The following TNS3 variants were observed in gnomAD, a reference collection of about 807,000 sequenced individuals.
TNS3 encodes tensin-3.
TNS3 carries 45 observed loss-of-function variants against 140.9 expected under a neutral mutation model. The observed-to-expected ratio is 0.32, with a 90% CI of 0.25 to 0.41. The LOEUF (loss-of-function observed/expected upper bound fraction) is 0.41. TNS3 is among the 10% of genes least tolerant of loss of function. The pLI, the probability that TNS3 is intolerant of heterozygous loss-of-function variation, is 1.00. For synonymous variants in TNS3, 815 were observed against 788.4 expected, an observed-to-expected ratio of 1.03 and a Z score of -0.56; for missense variants, 1,716 against 1,906.7, an observed-to-expected ratio of 0.90 and a Z score of 1.86.
chr7:47,520,146 T>C (rs1798920773), intron 2 of TNS3, among the ~76,000 whole-genome samples: 1 of 152,066 alleles, frequency 6.6e-6, no homozygotes, highest in Non-Finnish European at 1.5e-5. Flanking sequence ...TTCTTAACAC[T>C]TCAGGCCTGC....
Position 47,518,490 on chromosome 7 carries a change from C to T in TNS3, c.-153+10546G>A, listed in dbSNP as rs188741833. 5.9e-5 allele frequency among the ~76,000 whole-genome samples: 9 copies of T among 152,286 alleles called. No individual in the cohort carries two copies. In the East Asian group the frequency reaches 1.7e-3, roughly 29 times the overall value. Reference sequence around the variant, plus strand: ...TTTCATCCCCAGATATTCAGTTTTACTCTTTCTCTCTTTCTTTCCACGTAA... The same window carrying T: ...TTTCATCCCCAGATATTCAGTTTTATTCTTTCTCTCTTTCTTTCCACGTAA... On this transcript the variant is annotated intron_variant, in intron 2 of 30. Coordinates refer to ENST00000311160, the MANE Select transcript of TNS3 (RefSeq NM_022748.12).
At chr7:47,550,337 C>T (rs1340736253) in intron 1 of TNS3, among the ~76,000 whole-genome samples, 1 of 152,204 alleles carries the variant, frequency 6.6e-6, no homozygotes, top group Non-Finnish European at 1.5e-5. Context: ...ATGGAGAGGG[C>T]TTGGTGAACT....
chr7:47,389,110 A>G (rs59646813), intron 16 of TNS3, among the ~76,000 whole-genome samples: 2,817 of 5,622 alleles, frequency 0.5, 778 homozygotes, highest in South Asian at 0.67. Context: ...AAGCGGAAGC[A>G]GAAGAAGAAG....
At chr7:47,383,878 G>C (rs1410832618) in intron 16 of TNS3, among the ~76,000 whole-genome samples, 1 of 152,218 alleles carries the variant, frequency 6.6e-6, no homozygotes, top group Admixed American at 6.5e-5. Context: ...CACCTAGACA[G>C]ATCAGGGTGT....
rs905403264 is a variant in TNS3, at chr7:47,424,265, G to T, written c.390-81C>A. The stretch of plus-strand genomic sequence containing the variant: ...GTACTTGACGGGGGATGTGTCTCAT[G>T]GCTGTTCAAAGCGACCAGCTCCCAC... On this transcript the variant is annotated intron_variant, in intron 9 of 30. Transcript: ENST00000311160. The T allele has an allele frequency of 2.7e-5, 39 of 1,451,056 alleles. No homozygotes were observed. The African/African-American group carries it at 5.0e-4, about 19-fold the overall frequency. 89.9% of individuals were successfully genotyped at this position (1,451,056 alleles called of 1,614,324 possible). A position where few individuals can be genotyped will look rare whatever the true frequency, so the allele number is the denominator to read the frequency against.
At chr7:47,528,797 T>G (rs775958582) in intron 2 of TNS3, among the ~76,000 whole-genome samples, 4 of 152,230 alleles carry the variant, frequency 2.6e-5, no homozygotes, top group Non-Finnish European at 5.9e-5. Context: ...TACAAATTGC[T>G]GCCTCCTCTC....
chr7:47,340,109 ATATATATTTTTT>A (rs1410406398), intron 20 of TNS3, among the ~76,000 whole-genome samples: 11 of 38,662 alleles, frequency 2.8e-4, no homozygotes, highest in African/African-American at 1.0e-3. Flanking sequence ...ATATATATAT[ATATATATTTTTT>A]TTTTTTTTTT....
intron 20 of TNS3, among the ~76,000 whole-genome samples, chr7:47,308,622 A>C (rs1786895646): frequency 6.6e-6 from 1 of 152,190 alleles, no homozygotes; most frequent in Admixed American, 6.5e-5. Context: ...GTTGCTTAGA[A>C]ACATTTTTAT....
At chr7:47,391,078 G>A (rs891071774) in intron 16 of TNS3, among the ~76,000 whole-genome samples, 4 of 152,132 alleles carry the variant, frequency 2.6e-5, no homozygotes, top group African/African-American at 9.7e-5. Context: ...ACTTCCTCCT[G>A]CACACACCAG....
intron 4 of TNS3, among the ~76,000 whole-genome samples, chr7:47,458,772 G>C (rs933918500): frequency 6.6e-6 from 1 of 152,232 alleles, no homozygotes; most frequent in Non-Finnish European, 1.5e-5. Context: ...TGTGGCTGAA[G>C]AGCAGGGCCT....
At chr7:47,351,408 C>A (rs547796735) in intron 17 of TNS3, among the ~76,000 whole-genome samples, 1 of 152,200 alleles carries the variant, frequency 6.6e-6, no homozygotes, top group Admixed American at 6.5e-5. Context: ...AGGCGTCCTG[C>A]AGCAGGGGTC....
At chr7:47,463,173 AGT>A (rs1796560229) in intron 4 of TNS3, among the ~76,000 whole-genome samples, 1 of 152,180 alleles carries the variant, frequency 6.6e-6, no homozygotes, top group Non-Finnish European at 1.5e-5. Flanking sequence ...GGCCGGGTGC[AGT>A]GGCTCACACC....
At position 47,384,008 on chromosome 7, in the gene TNS3, T is replaced by C. The variant is rs1053632330; in HGVS notation, c.1024+12792A>G. On this transcript the variant is annotated intron_variant, in intron 16 of 30. Coordinates refer to ENST00000311160, the MANE Select transcript of TNS3 (RefSeq NM_022748.12). ...GTGACATCTAAATTCAGATAGCTTC[T>C]GGTAGAAAGTTCTGATTTGAAAACA... Among the ~76,000 whole-genome samples, 7 of 152,232 alleles carry C rather than the reference T, an allele frequency of 4.6e-5. No homozygotes were observed. In the South Asian group the frequency reaches 1.4e-3, roughly 31 times the overall value.
rs942827217 is a variant in TNS3 at position 47,400,906 on chromosome 7, G to A, written c.732C>T (p.Cys244=). Residue 244 remains cysteine (C), a synonymous_variant, in exon 14 of 31, where the codon TGC becomes TGT. Coordinates refer to ENST00000311160, the MANE Select transcript of TNS3 (RefSeq NM_022748.12). ...TGGCCGAGCGGTATTTCTTGTGGTAGCATTTCACCTGGGTTAGAGAGACAA... is the reference window on the plus strand; with the variant it reads ...TGGCCGAGCGGTATTTCTTGTGGTAACATTTCACCTGGGTTAGAGAGACAA... ...QLLKGDVMVK[C]YHKKYRSATR... is the part of the protein sequence containing the mutation. The A allele has an allele frequency of 6.2e-7, 1 of 1,614,212 alleles. No individual in the cohort carries two copies. The highest frequency in any genetic ancestry group is 1.1e-5 in the South Asian group (1 of 91,090).
At chr7:47,311,399 AGTGTGTGTGTGTGTGTGTGT>A (rs10617598) in intron 20 of TNS3, among the ~76,000 whole-genome samples, 2 of 147,436 alleles carry the variant, frequency 1.4e-5, no homozygotes, top group Admixed American at 6.8e-5. Flanking sequence ...GAACTTAAAG[AGTGTGTGTGTGTGTGTGTGT>A]GTGTGTGTGT....
chr7:47,422,576 G>A lies in TNS3; in HGVS notation c.473+1525C>T, dbSNP rs149855341. ...TGCTGTGAGCCAAGATTGCACCACT[G>A]CACTACAGCCTGGGTGACAGAGCAA... On this transcript the variant is annotated intron_variant, in intron 10 of 30. Coordinates refer to ENST00000311160, the MANE Select transcript of TNS3 (RefSeq NM_022748.12). Among the ~76,000 whole-genome samples the A allele has an allele frequency of 3.2e-3, 488 of 151,886 alleles. 1 individual carries two copies. Among genetic ancestry groups the A allele is most frequent in the African/African-American group, 0.011 (460 of 41,386 alleles).
intron 1 of TNS3, among the ~76,000 whole-genome samples, chr7:47,533,123 ATTTTTTTTT>A (rs35691609): frequency 1.1e-4 from 10 of 88,826 alleles, no homozygotes; most frequent in African/African-American, 5.6e-4. Flanking sequence ...ATATATATAT[ATTTTTTTTT>A]TTTTTTTTTT....
chr7:47,333,129 C>T (rs1562602495), intron 20 of TNS3, among the ~76,000 whole-genome samples: 1 of 152,118 alleles, frequency 6.6e-6, no homozygotes, highest in South Asian at 2.1e-4. Flanking sequence ...AGCTTCATCA[C>T]CCTCAAATGA....
At chr7:47,493,344 G>A (rs1562801339) in intron 3 of TNS3, among the ~76,000 whole-genome samples, 1 of 152,138 alleles carries the variant, frequency 6.6e-6, no homozygotes, top group African/African-American at 2.4e-5. Context: ...AGTTGCCTTC[G>A]AAATTCAGTT....
Sources: gnomAD v4.1 joint callset for allele counts (sites outside exome capture counted in the v4.1 genomes callset) on GRCh38, gnomAD v4.1.1 for gene constraint, MANE v1.5 for transcripts, NCBI Gene and HGNC (gene_info 2026-07-23, HGNC 2026-07-21) for gene names.